The following NSMCE4A variants were observed in gnomAD, a reference collection of about 807,000 sequenced individuals.
NSMCE4A encodes the protein non-structural maintenance of chromosomes element 4 homolog A.
In NSMCE4A, 40 loss-of-function variants were observed where a neutral mutation model predicts 47.9. The ratio of observed to expected loss-of-function variants is 0.83; its 90% confidence interval spans 0.65 to 1.09. The LOEUF (loss-of-function observed/expected upper bound fraction) is 1.09, where lower values mean the gene tolerates loss of function less well. Ranked by LOEUF, NSMCE4A falls within the 50% of genes least tolerant of loss-of-function variation. NSMCE4A has a pLI of 0.00. For synonymous variants in NSMCE4A, 166 were observed against 178.5 expected (o/e 0.93, Z 0.56); for missense variants, 500 against 507.0 (o/e 0.99, Z 0.13).
intron 2 of NSMCE4A, among the ~76,000 whole-genome samples, chr10:121,972,571 T>C (rs947825444): frequency 1.3e-5 from 2 of 152,170 alleles, no homozygotes; most frequent in African/African-American, 4.8e-5. Context: ...CTCTAAAATA[T>C]TGCTTTAAAT....
intron 8 of NSMCE4A, chr10:121,959,847 C>A (rs1320744357): frequency 1.9e-6 from 1 of 516,248 alleles, no homozygotes; most frequent in East Asian, 3.5e-5. Flanking sequence ...ATCTGCATAT[C>A]TATGTGTCAA....
Position 121,959,426 on chromosome 10 carries a change from G to A in NSMCE4A, c.1084-16C>T. On this transcript the variant is annotated splice_polypyrimidine_tract_variant and intron_variant, in intron 9 of 10. Coordinates refer to ENST00000369023, the MANE Select transcript of NSMCE4A (RefSeq NM_017615.3). ...TCACAATCTCCTGGCAGACAATAAT[G>A]AACATTTAGGCACTGGGCTTACTGC... 1 of 1,614,016 alleles carries A rather than the reference G, an allele frequency of 6.2e-7. No homozygotes were observed. Among genetic ancestry groups the A allele is most frequent in the Middle Eastern group, 1.6e-4 (1 of 6,062 alleles).
chr10:121,961,935 T>C (rs1043481238), intron 6 of NSMCE4A: 2 of 233,592 alleles, frequency 8.6e-6, no homozygotes, highest in Non-Finnish European at 1.7e-5. Context: ...AAACAATGTC[T>C]CTACTAAAAA....
chr10:121,971,324 C>G (rs1240863076), intron 2 of NSMCE4A, among the ~76,000 whole-genome samples: 1 of 152,108 alleles, frequency 6.6e-6, no homozygotes, highest in Non-Finnish European at 1.5e-5. Context: ...TCCTGGCTAA[C>G]ACGGTGAAAC....
chr10:121,967,476 G>T, intron 4 of NSMCE4A, 179 bp downstream of exon 4: 1 of 612,476 alleles, frequency 1.6e-6, no homozygotes, highest in Non-Finnish European at 2.7e-6. Context: ...GGGATTACAG[G>T]CATGAGCCAC....
intron 3 of NSMCE4A, among the ~76,000 whole-genome samples, chr10:121,968,788 G>T (rs1350786475): frequency 6.6e-6 from 1 of 152,024 alleles, no homozygotes; most frequent in Non-Finnish European, 1.5e-5. Flanking sequence ...GAAAAGAAAG[G>T]CTACAAGAGC....
At position 121,963,440 on chromosome 10, in the gene NSMCE4A, T is replaced by C. The variant is rs1952539994; in HGVS notation, c.754-112A>G. 2.9e-5 allele frequency: 18 copies of C among 631,468 alleles called. No individual in the cohort carries two copies. The South Asian group carries it at 3.5e-4, about 12-fold the overall frequency. 39.1% of individuals were successfully genotyped at this position (631,468 alleles called of 1,614,324 possible). On this transcript the variant is annotated intron_variant, in intron 5 of 10. Transcript: ENST00000369023. ...TCTCTCTTGCACACCCGAACTCTTT[T>C]TTTTTTTTGAGACAGGGTCTTGCTT...
chr10:121,968,352 T>C (rs1167441463), intron 3 of NSMCE4A, among the ~76,000 whole-genome samples: 1 of 152,210 alleles, frequency 6.6e-6, no homozygotes, highest in African/African-American at 2.4e-5. Flanking sequence ...TCACCAATAG[T>C]TCGTGTATTA....
At chr10:121,959,464 A>G in intron 9 of NSMCE4A, 37 bp downstream of exon 9, 6 of 1,611,904 alleles carry the variant, frequency 3.7e-6, no homozygotes, top group Non-Finnish European at 5.1e-6. Context: ...GTGAAGGCAG[A>G]GTCAGAACTA....
intron 3 of NSMCE4A, among the ~76,000 whole-genome samples, chr10:121,968,968 C>T (rs189749976): frequency 6.0e-4 from 92 of 152,316 alleles, no homozygotes; most frequent in African/African-American, 2.2e-3. Context: ...GTCTTCTCCA[C>T]CCAGAGACTG....
intron 6 of NSMCE4A, 157 bp from the exon 7 acceptor site, chr10:121,961,674 T>A (rs1952501239): frequency 2.0e-6 from 1 of 510,094 alleles, no homozygotes; most frequent in African/African-American, 2.0e-5. Flanking sequence ...GCATCTCTAC[T>A]AAAAACATGT....
chr10:121,970,890 AAT>A, intron 3 of NSMCE4A, 47 bp downstream of exon 3: 1 of 1,468,402 alleles, frequency 6.8e-7, no homozygotes, highest in Non-Finnish European at 9.2e-7. Context: ...AAATAATTAT[AAT>A]ATATAACAGA....
At position 121,974,039 on chromosome 10, in the gene NSMCE4A, T is replaced by G; in HGVS notation, c.335A>C (p.Glu112Ala). The stretch of plus-strand genomic sequence containing the variant: ...CAGAGTGTTAGCCTCTTCAAGGACC[T>G]CTGTTAATTTGTCACCGGCATTCAG... ...DILNAGDKLT[E>A]VLEEANTLFN... is the part of the protein sequence containing the mutation. The change falls in exon 2 of 11, where the codon GAG becomes GCG. Residue 112 changes from glutamate (E) to alanine (A), a missense_variant. Transcript: ENST00000369023. 1.2e-6 allele frequency: 2 copies of G among 1,605,982 alleles called. No homozygotes were observed. Among genetic ancestry groups the G allele is most frequent in the Non-Finnish European group, 1.7e-6 (2 of 1,174,934 alleles).
In NSMCE4A at chr10:121,971,056, T is replaced by G; in HGVS notation, c.384A>C (p.Arg128Ser). 1 of 1,612,944 alleles carries G rather than the reference T, an allele frequency of 6.2e-7. No individual in the cohort carries two copies. The highest frequency in any genetic ancestry group is 8.5e-7 in the Non-Finnish European group (1 of 1,179,516). ...NTLFNEVSRA[R>S]EAVLDAHFLV... is the part of the protein sequence containing the mutation. ...GAAAGTGGGCATCCAGGACTGCTTC[T>G]CTTGCTCGGGACACTATTCAAAAAA... Residue 128 changes from arginine to serine, a missense_variant, in exon 3 of 11, where the codon AGA (arginine) becomes AGC (serine). Coordinates refer to ENST00000369023, the MANE Select transcript of NSMCE4A (RefSeq NM_017615.3).
Position 121,959,579 on chromosome 10 carries a change from A to C in NSMCE4A, c.1005T>G (p.Asn335Lys). 1 of 1,613,446 alleles carries C rather than the reference A, an allele frequency of 6.2e-7. No homozygotes were observed. The highest frequency in any genetic ancestry group is 1.1e-5 in the South Asian group (1 of 91,062). ...TATGTTCAAATCCCTCATTTTCTTC[A>C]TTAATACTAACAGGCTCTGTTTGAA... ...RLPVIEPVSINEENEGFEHNT... is the reference protein window; with the variant it reads ...RLPVIEPVSIKEENEGFEHNT... Residue 335 changes from asparagine (N) to lysine (K), a missense_variant, in exon 9 of 11, where the codon AAT (asparagine) becomes AAG (lysine). By Grantham distance (94) the Asn-to-Lys change is moderately conservative. Coordinates refer to ENST00000369023, the MANE Select transcript of NSMCE4A (RefSeq NM_017615.3).
intron 1 of NSMCE4A, 21 bp downstream of exon 1, chr10:121,974,853 C>A: frequency 6.9e-7 from 1 of 1,445,336 alleles, no homozygotes; most frequent in Non-Finnish European, 9.1e-7. Context: ...GGGCCCGCGC[C>A]GCCCGGAGGC....
At position 121,967,826 on chromosome 10, in the gene NSMCE4A, CA is replaced by C. The variant is rs752024327; in HGVS notation, c.502-21del. 3.1e-6 allele frequency: 5 copies of C among 1,594,444 alleles called. No homozygotes were observed. Among genetic ancestry groups the C allele is most frequent in the Non-Finnish European group, 4.3e-6 (5 of 1,174,220 alleles). ...TGTGAGCTACAAAAATGAAGGAAAA[CA>C]AAAAACCCAGTTAAGCCACATGCAA... On this transcript the variant is annotated intron_variant, in intron 3 of 10. Transcript: ENST00000369023.
At chr10:121,964,372 T>G (rs980901673) in intron 5 of NSMCE4A, among the ~76,000 whole-genome samples, 1 of 152,126 alleles carries the variant, frequency 6.6e-6, no homozygotes. Context: ...TTCTAACTCC[T>G]GACCTCAGGT....
chr10:121,966,186 T>C lies in NSMCE4A; in HGVS notation c.654-801A>G, dbSNP rs138539561. The C allele has an allele frequency of 2.5e-3, 376 of 152,336 alleles. 2 individuals carry two copies. The highest frequency in any genetic ancestry group is 0.01 in the Middle Eastern group (3 of 294). 9.4% of individuals were successfully genotyped at this position (152,336 alleles called of 1,614,324 possible). ...ATGAGAACACTTGGGCAGAGATATC[T>C]ACCCAGACATGGGAGTGACGTGGTT... On this transcript the variant is annotated intron_variant, in intron 4 of 10. Transcript: ENST00000369023.
Sources: allele counts gnomAD v4.1 joint callset (sites outside exome capture counted in the v4.1 genomes callset), GRCh38; gene constraint gnomAD v4.1.1; transcripts MANE v1.5; gene names NCBI Gene and HGNC (gene_info 2026-07-23, HGNC 2026-07-21).